Variants in NAA35 observed in about 807,000 individuals in gnomAD.
NAA35 encodes MAK10 homolog, amino-acid N-acetyltransferase subunit.
NAA35 carries 18 observed loss-of-function variants against 101.7 expected under a neutral mutation model. The ratio of observed to expected loss-of-function variants is 0.18; its 90% CI spans 0.12 to 0.26. The LOEUF (loss-of-function observed/expected upper bound fraction) is 0.26, where lower values mean the gene tolerates loss of function less well. NAA35 is among the 10% of genes least tolerant of loss of function. The pLI, the probability that NAA35 is intolerant of heterozygous loss-of-function variation, is 1.00. For synonymous variants in NAA35, 267 were observed against 273.1 expected (o/e 0.98, Z 0.22); for missense variants, 601 against 886.8 (o/e 0.68, Z 4.09).
chr9:85,982,066 T>C (rs917288818), intron 11 of NAA35, among the ~76,000 whole-genome samples: 5 of 152,198 alleles, frequency 3.3e-5, no homozygotes, highest in Non-Finnish European at 5.9e-5. Flanking sequence ...GCTGGTGCAT[T>C]TTCTCAATGC....
chr9:86,016,827 T>C (rs1419303482), intron 18 of NAA35, 152 bp downstream of exon 18: 8 of 705,600 alleles, frequency 1.1e-5, no homozygotes, highest in Admixed American at 3.0e-5. Context: ...CCAGTATCAA[T>C]GACATAAGCT....
At chr9:86,009,716 CTT>C (rs1313824562) in intron 14 of NAA35, 147 bp from the exon 15 acceptor site, 2 of 585,714 alleles carry the variant, frequency 3.4e-6, no homozygotes, top group African/African-American at 3.8e-5. Context: ...TAAAATATTT[CTT>C]AATCTAATAC....
intron 1 of NAA35, chr9:85,941,568 C>G: frequency 6.1e-6 from 6 of 985,890 alleles, no homozygotes; most frequent in Non-Finnish European, 7.2e-6. Flanking sequence ...GCTGGGCTGA[C>G]CCGGGCAGGG....
At chr9:85,971,378 C>G (rs1829992499) in intron 6 of NAA35, among the ~76,000 whole-genome samples, 1 of 152,094 alleles carries the variant, frequency 6.6e-6, no homozygotes, top group Non-Finnish European at 1.5e-5. Flanking sequence ...TTCTTAATAC[C>G]AGTCTTTTGG....
intron 21 of NAA35, among the ~76,000 whole-genome samples, chr9:86,020,232 A>G (rs1832458100): frequency 1.3e-5 from 2 of 152,174 alleles, no homozygotes; most frequent in Non-Finnish European, 2.9e-5. Context: ...TAAAAATTAT[A>G]TGTACCATCT....
intron 13 of NAA35, among the ~76,000 whole-genome samples, chr9:86,006,342 G>A (rs542504930): frequency 2.0e-5 from 3 of 152,154 alleles, no homozygotes; most frequent in South Asian, 2.1e-4. Context: ...CATTCTTCTC[G>A]AAACCTCTGC....
rs541053414 is a variant in NAA35, at chr9:85,943,968, G to A, written c.124+1685G>A. ...TTTTAAATGCTGGGAATTATAGAGCGTCTTTAGTGCCATTGATGTTTTTTG... is the reference window on the plus strand; with the variant it reads ...TTTTAAATGCTGGGAATTATAGAGCATCTTTAGTGCCATTGATGTTTTTTG... On this transcript the variant is annotated intron_variant, in intron 2 of 22. Transcript: ENST00000361671. Among the ~76,000 whole-genome samples, 10 of 152,258 alleles carry A rather than the reference G, an allele frequency of 6.6e-5. 1 individual carries two copies. Among genetic ancestry groups the A allele is most frequent in the African/African-American group, 9.6e-5 (4 of 41,544 alleles).
At chr9:85,988,521 C>T (rs180916278) in intron 11 of NAA35, among the ~76,000 whole-genome samples, 10 of 151,830 alleles carry the variant, frequency 6.6e-5, no homozygotes, top group East Asian at 3.9e-4. Flanking sequence ...CATGGAGGGC[C>T]GGGCGTGGTG....
rs191106874 is a variant in NAA35 at position 85,976,227 on chromosome 9, C to A, written c.628-458C>A. Among the ~76,000 whole-genome samples, 11 of 152,226 alleles carry A rather than the reference C, an allele frequency of 7.2e-5. No homozygotes were observed. The East Asian group carries it at 1.7e-3, about 24-fold the overall frequency. On this transcript the variant is annotated intron_variant, in intron 8 of 22. Transcript: ENST00000361671. ...TGGTATTTGGTCAAATAAAATTGTCCACTATAACATTTGTATTAAGAAATT... is the reference window on the plus strand; with the variant it reads ...TGGTATTTGGTCAAATAAAATTGTCAACTATAACATTTGTATTAAGAAATT...
At chr9:85,986,547 T>C (rs1172472308) in intron 11 of NAA35, 9 of 420,478 alleles carry the variant, frequency 2.1e-5, no homozygotes. Flanking sequence ...GAAGGAGTAC[T>C]CTAAGCTTGT....
intron 11 of NAA35, among the ~76,000 whole-genome samples, chr9:85,991,562 G>A (rs1830913138): frequency 6.6e-6 from 1 of 152,138 alleles, no homozygotes; most frequent in South Asian, 2.1e-4. Flanking sequence ...TGTAGCCTAA[G>A]CACACTGATG....
At chr9:85,954,078 TA>T (rs1829135741) in intron 2 of NAA35, among the ~76,000 whole-genome samples, 1 of 152,188 alleles carries the variant, frequency 6.6e-6, no homozygotes, top group Admixed American at 6.5e-5. Flanking sequence ...TAATTCTGTT[TA>T]AAATTTTTTT....
At chr9:85,966,789 T>TAGAGGTGAAATAACTAG in intron 6 of NAA35, 1 of 358,740 alleles carries the variant, frequency 2.8e-6, no homozygotes, top group Non-Finnish European at 5.0e-6. Context: ...AAACTAGTTA[T>TAGAGGTGAAATAACTAG]TTCACCTCTA....
Position 86,018,275 on chromosome 9 carries a change from G to T in NAA35, c.1794G>T (p.Met598Ile). The change falls in exon 20 of 23, where the codon ATG becomes ATT. Residue 598 changes from methionine (M) to isoleucine (I), a missense_variant. Met to Ile is a conservative substitution (Grantham distance 10). Transcript: ENST00000361671. ...GMFKTMVAFD[M>I]DGKVRKPKFE... Reference sequence around the variant, plus strand: ...TTTAGACCATGGTAGCATTTGACATGGACGGCAAAGTACGTAAACCGAAGT... The same window carrying T: ...TTTAGACCATGGTAGCATTTGACATTGACGGCAAAGTACGTAAACCGAAGT... 6.2e-7 allele frequency: 1 copy of T among 1,613,004 alleles called. No homozygotes were observed. Among genetic ancestry groups the T allele is most frequent in the South Asian group, 1.1e-5 (1 of 90,982 alleles).
At chr9:85,941,619 C>G (rs913371176) in intron 1 of NAA35, 1 of 986,338 alleles carries the variant, frequency 1.0e-6, no homozygotes, top group South Asian at 4.7e-5. Context: ...TGCCTCGGCC[C>G]TAGGCCCGGC....
chr9:85,969,680 A>C (rs1287006072), intron 6 of NAA35, among the ~76,000 whole-genome samples: 1 of 152,066 alleles, frequency 6.6e-6, no homozygotes, highest in African/African-American at 2.4e-5. Context: ...TGGACAACAC[A>C]GCAAGACCCC....
At position 85,941,354 on chromosome 9, in the gene NAA35, T is replaced by C. The variant is rs150369035; in HGVS notation, c.-6+81T>C. 2.2e-3 allele frequency: 2,155 copies of C among 985,498 alleles called. 26 individuals carry two copies. The South Asian group carries it at 0.028, about 13-fold the overall frequency. 61.0% of individuals were successfully genotyped at this position (985,498 alleles called of 1,614,324 possible). Reference sequence around the variant, plus strand: ...CGCAGCCCCCCGCGCGTGTGGCAGATCCTGGGGACCCCAGGTCACCCTGCG... The same window carrying C: ...CGCAGCCCCCCGCGCGTGTGGCAGACCCTGGGGACCCCAGGTCACCCTGCG... On this transcript the variant is annotated intron_variant, in intron 1 of 22. Transcript: ENST00000361671.
chr9:85,968,634 CT>C (rs138194519), intron 6 of NAA35, among the ~76,000 whole-genome samples: 15 of 148,646 alleles, frequency 1.0e-4, no homozygotes, highest in Admixed American at 2.7e-4. Context: ...GTTCTCTGCT[CT>C]TTTTTTTTTA....
chr9:85,977,443 A>T lies in NAA35; in HGVS notation c.759A>T (p.Lys253Asn). 6.3e-7 allele frequency: 1 copy of T among 1,597,866 alleles called. No homozygotes were observed. The highest frequency in any genetic ancestry group is 8.6e-7 in the Non-Finnish European group (1 of 1,165,958). Reference sequence around the variant, plus strand: ...CAGTGCTTATAGCCTTTACTAAGAAAGAGGTAAGGGCATTCAATATAATAT... The same window carrying T: ...CAGTGCTTATAGCCTTTACTAAGAATGAGGTAAGGGCATTCAATATAATAT... ...LLTVLIAFTK[K>N]ETSAVAEAQK... The change falls in exon 10 of 23, where the codon AAA becomes AAT. Residue 253 changes from lysine (K) to asparagine (N), a missense_variant. This residue lies in a region of NAA35 where 190 missense variants were observed against 223.1 expected (regional missense o/e 0.85). Transcript: ENST00000361671.
Sources: gnomAD v4.1 joint callset for allele counts (sites outside exome capture counted in the v4.1 genomes callset) on GRCh38, gnomAD v4.1.1 for gene constraint, gnomAD v4.1.1 regional missense constraint, MANE v1.5 for transcripts, NCBI Gene and HGNC (gene_info 2026-07-23, HGNC 2026-07-21) for gene names.